GRK5: variants seen among roughly 807,000 people sequenced by gnomAD.
GRK5 encodes g protein-coupled receptor kinase GRK5.
In GRK5, 40 loss-of-function variants were observed where a neutral mutation model predicts 78.4. The observed-to-expected ratio is 0.51, with a 90% CI of 0.40 to 0.66. GRK5 has a LOEUF of 0.66. Among genes scored for constraint, GRK5 ranks in the 30% least tolerant of loss-of-function variants. GRK5 has a pLI of 0.00. For synonymous variants in GRK5, 289 were observed against 296.8 expected, an observed-to-expected ratio of 0.97 and a Z score of 0.27; for missense variants, 598 against 759.9, an observed-to-expected ratio of 0.79 and a Z score of 2.50.
chr10:119,276,774 C>A (rs1849676784), intron 1 of GRK5, among the ~76,000 whole-genome samples: 1 of 152,124 alleles, frequency 6.6e-6, no homozygotes, highest in South Asian at 2.1e-4. Flanking sequence ...GTAGAAAACT[C>A]CAAGAAGTTG....
chr10:119,429,369 G>GT (rs1554921679), intron 6 of GRK5, among the ~76,000 whole-genome samples: 2 of 151,842 alleles, frequency 1.3e-5, no homozygotes, highest in Admixed American at 1.3e-4. Flanking sequence ...GCCCAGTTCT[G>GT]CTCGATCCAA....
intron 15 of GRK5, among the ~76,000 whole-genome samples, chr10:119,453,580 T>C (rs971154531): frequency 6.6e-6 from 1 of 152,214 alleles, no homozygotes; most frequent in African/African-American, 2.4e-5. Context: ...CATCGCAAGA[T>C]GTGGGGCAGC....
At chr10:119,421,967 C>T (rs1852579023) in intron 4 of GRK5, among the ~76,000 whole-genome samples, 1 of 152,204 alleles carries the variant, frequency 6.6e-6, no homozygotes, top group African/African-American at 2.4e-5. Flanking sequence ...GACACCCCCG[C>T]CCAGAAACCA....
At chr10:119,420,377 A>C (rs1291352870) in intron 4 of GRK5, among the ~76,000 whole-genome samples, 1 of 150,876 alleles carries the variant, frequency 6.6e-6, no homozygotes, top group Non-Finnish European at 1.5e-5. Flanking sequence ...AAGAAGAAAG[A>C]AGGTTTGAAA....
intron 2 of GRK5, among the ~76,000 whole-genome samples, chr10:119,364,438 T>C (rs149611752): frequency 3.6e-4 from 55 of 152,350 alleles, no homozygotes; most frequent in African/African-American, 1.3e-3. Context: ...TGGGAGGAAC[T>C]GAATCTCTGT....
intron 1 of GRK5, among the ~76,000 whole-genome samples, chr10:119,255,826 C>G (rs1849275014): frequency 6.6e-6 from 1 of 152,170 alleles, no homozygotes; most frequent in Admixed American, 6.5e-5. Flanking sequence ...CGAGCAAGGC[C>G]TGGCTTTGCC....
chr10:119,273,384 T>C (rs1266355255), intron 1 of GRK5, among the ~76,000 whole-genome samples: 1 of 152,186 alleles, frequency 6.6e-6, no homozygotes, highest in Non-Finnish European at 1.5e-5. Context: ...TGCCTTGGGA[T>C]AGCAGGTCAG....
chr10:119,287,804 G>A (rs769584616), intron 1 of GRK5, among the ~76,000 whole-genome samples: 3 of 152,198 alleles, frequency 2.0e-5, no homozygotes, highest in Non-Finnish European at 4.4e-5. Flanking sequence ...TGGGATGTGT[G>A]TGCAAGGCTG....
chr10:119,373,776 G>A lies in GRK5; in HGVS notation c.149-7039G>A, dbSNP rs537142148. Among the ~76,000 whole-genome samples, 10 of 152,228 alleles carry A rather than the reference G, an allele frequency of 6.6e-5. No homozygotes were observed. The South Asian group carries it at 1.2e-3, about 19-fold the overall frequency. On this transcript the variant is annotated intron_variant, in intron 2 of 15. Coordinates refer to ENST00000392870, the MANE Select transcript of GRK5 (RefSeq NM_005308.3). ...GCTGTTGGGGAAATGAAAATGGTGC[G>A]GATAGACTTGCTCGACACGGGGTTG...
intron 1 of GRK5, among the ~76,000 whole-genome samples, chr10:119,268,444 C>T (rs963333027): frequency 1.2e-4 from 18 of 152,144 alleles, no homozygotes; most frequent in Admixed American, 1.1e-3. Flanking sequence ...CCACAGTTTG[C>T]GCCAGTCCTT....
In GRK5 at chr10:119,431,787, G is replaced by C. The variant is rs1309906107; in HGVS notation, c.738+260G>C. ...TGCTGTGCATGAGACCGACGCCTCT[G>C]TTCTCCTGGACCACTTTGTAAACTC... On this transcript the variant is annotated intron_variant, in intron 8 of 15. Coordinates refer to ENST00000392870, the MANE Select transcript of GRK5 (RefSeq NM_005308.3). The surrounding 1 kb of genome is among the most constrained non-coding windows in gnomAD (Gnocchi z 4.8). 2.0e-5 allele frequency among the ~76,000 whole-genome samples: 3 copies of C among 152,218 alleles called. No homozygotes were observed. Among genetic ancestry groups the C allele is most frequent in the Non-Finnish European group, 4.4e-5 (3 of 68,034 alleles).
In GRK5 at chr10:119,431,749, G is replaced by A. The variant is rs372398313; in HGVS notation, c.738+222G>A. ...TTTGTCCCATCCCCAGAGCCGGCCA[G>A]TGCCTGGCTCCCTGCTGTGCATGAG... On this transcript the variant is annotated intron_variant, in intron 8 of 15. Coordinates refer to ENST00000392870, the MANE Select transcript of GRK5 (RefSeq NM_005308.3). The surrounding 1 kb of genome is among the most constrained non-coding windows in gnomAD (Gnocchi z 4.8). Among the ~76,000 whole-genome samples the A allele has an allele frequency of 9.8e-5, 15 of 152,346 alleles. No individual in the cohort carries two copies. In the East Asian group the frequency reaches 1.7e-3, roughly 18 times the overall value.
chr10:119,226,920 G>A (rs918703039), intron 1 of GRK5, among the ~76,000 whole-genome samples: 5 of 151,986 alleles, frequency 3.3e-5, no homozygotes, highest in Non-Finnish European at 5.9e-5. Flanking sequence ...GTGCAGTGGC[G>A]TGATCTTGGC....
At chr10:119,244,558 C>T (rs1849075542) in intron 1 of GRK5, among the ~76,000 whole-genome samples, 2 of 152,104 alleles carry the variant, frequency 1.3e-5, no homozygotes, top group African/African-American at 4.8e-5. Flanking sequence ...AAAGTGAGAC[C>T]CCCATCTCTA....
intron 3 of GRK5, among the ~76,000 whole-genome samples, chr10:119,392,166 TA>T (rs1389612634): frequency 3.9e-4 from 60 of 152,346 alleles, no homozygotes; most frequent in African/African-American, 1.3e-3. Flanking sequence ...ATTAGGGCTA[TA>T]AACTAAGATG....
chr10:119,443,635 G>A lies in GRK5; in HGVS notation c.1149G>A (p.Ser383=), dbSNP rs536977537. Residue 383 remains serine, a synonymous_variant, in exon 12 of 16, where the codon TCG becomes TCA. Coordinates refer to ENST00000392870, the MANE Select transcript of GRK5 (RefSeq NM_005308.3). The part of the protein sequence containing the change: ...CLIYEMIEGQ[S]PFRGRKEKVK... The stretch of plus-strand genomic sequence containing the variant: ...TCTATGAGATGATCGAGGGCCAGTC[G>A]CCGTTCCGCGGCCGCAAGGAGAAGG... 34 of 1,613,548 alleles carry A rather than the reference G, an allele frequency of 2.1e-5. No individual in the cohort carries two copies. The highest frequency in any genetic ancestry group is 3.3e-4 in the Middle Eastern group (2 of 6,058).
At position 119,431,538 on chromosome 10, in the gene GRK5, A is replaced by T. The variant is rs140741672; in HGVS notation, c.738+11A>T. Reference sequence around the variant, plus strand: ...AACAGTCAGTTTGTGGTGAGTGAGCATCTGGGCCCAGTGACCGGCTCGCCC... The same window carrying T: ...AACAGTCAGTTTGTGGTGAGTGAGCTTCTGGGCCCAGTGACCGGCTCGCCC... On this transcript the variant is annotated intron_variant, in intron 8 of 15. Transcript: ENST00000392870. This position sits in a 1 kb window ranked among gnomAD's most constrained non-coding sequence, Gnocchi z 4.8. 1.2e-3 allele frequency: 1,998 copies of T among 1,610,736 alleles called. 24 individuals carry two copies. The African/African-American group carries it at 0.023, about 19-fold the overall frequency.
At chr10:119,371,570 G>A (rs1044806950) in intron 2 of GRK5, among the ~76,000 whole-genome samples, 4 of 152,236 alleles carry the variant, frequency 2.6e-5, no homozygotes, top group African/African-American at 9.6e-5. Context: ...TGGGACACAT[G>A]TGGCCTGCTT....
chr10:119,342,818 C>G (rs965311736), intron 2 of GRK5, among the ~76,000 whole-genome samples: 1 of 152,150 alleles, frequency 6.6e-6, no homozygotes, highest in Non-Finnish European at 1.5e-5. Context: ...TTATGTAACC[C>G]CTTTGCCCTG....
Sources: gnomAD v4.1 joint callset for allele counts (sites outside exome capture counted in the v4.1 genomes callset) on GRCh38, gnomAD v4.1.1 for gene constraint, Gnocchi (gnomAD v3.1) non-coding constraint, MANE v1.5 for transcripts, NCBI Gene and HGNC (gene_info 2026-07-23, HGNC 2026-07-21) for gene names.